The following TTC14 variants were observed in gnomAD, a reference collection of about 807,000 sequenced individuals.
TTC14 encodes tetratricopeptide repeat protein 14.
A neutral mutation model predicts 79.9 loss-of-function variants in TTC14; 63 were observed. The observed-to-expected ratio is 0.79, with a 90% CI of 0.64 to 0.97. The LOEUF (loss-of-function observed/expected upper bound fraction) is 0.97. Ranked by LOEUF, TTC14 falls within the 50% of genes least tolerant of loss-of-function variation. TTC14 has a pLI of 0.00. For missense variants in TTC14, 895 were observed against 894.0 expected (o/e 1.00, Z -0.01); for synonymous variants, 335 against 309.6 (o/e 1.08, Z -0.86).
intron 3 of TTC14, chr3:180,603,659 T>C (rs1716513647): frequency 7.2e-6 from 2 of 276,390 alleles, no homozygotes; most frequent in Non-Finnish European, 1.4e-5. Context: ...TAGTTAATAT[T>C]TGGCATTGTA....
chr3:180,613,583 G>C (rs1316351864), downstream of TTC14, among the ~76,000 whole-genome samples: 1 of 152,096 alleles, frequency 6.6e-6, no homozygotes, highest in Non-Finnish European at 1.5e-5. Flanking sequence ...TGTGTCTATA[G>C]TACAAATGAG....
rs776677497 is a variant in TTC14 at position 180,616,715 on chromosome 3, A to T, written c.1775-665A>T. ...TGCACACTGTTGGTAAATAATAGTC[A>T]ATTATTCTATAAACGTGTTTACCAG... On this transcript the variant is annotated intron_variant, in intron 12 of 12. Transcript: ENST00000382584. 1.3e-6 allele frequency: 2 copies of T among 1,576,852 alleles called. No individual in the cohort carries two copies.
exon 13 of TTC14, chr3:180,617,446 C>T (rs1717289490): frequency 1.5e-6 from 1 of 684,936 alleles, no homozygotes; most frequent in Non-Finnish European, 2.7e-6. Context: ...GGAGATATTC[C>T]AGAAGAGGGC....
At chr3:180,609,242 T>TGCCACCCCCCCCC in intron 11 of TTC14, 1 of 606,944 alleles carries the variant, frequency 1.6e-6, no homozygotes, top group Non-Finnish European at 2.1e-6. Flanking sequence ...ACAGGTCAGC[T>TGCCACCCCCCCCC]CCCACCCGCA....
intron 10 of TTC14, 44 bp from the exon 11 acceptor site, chr3:180,608,657 C>G: frequency 6.9e-7 from 1 of 1,449,010 alleles, no homozygotes; most frequent in East Asian, 2.6e-5. Flanking sequence ...ATATATTCTG[C>G]TATTTTTAAC....
chr3:180,603,977 C>T, intron 3 of TTC14: 1 of 514,734 alleles, frequency 1.9e-6, no homozygotes, highest in Non-Finnish European at 3.5e-6. Flanking sequence ...TGTATACTGT[C>T]ATAAGCCATC....
chr3:180,613,836 C>T (rs190773611), downstream of TTC14: 1 of 455,320 alleles, frequency 2.2e-6, no homozygotes, highest in East Asian at 7.0e-5. Context: ...CCACCTTATT[C>T]TTGACTTTGC....
chr3:180,618,054 A>C (rs1318267855), downstream of TTC14, among the ~76,000 whole-genome samples: 1 of 152,094 alleles, frequency 6.6e-6, no homozygotes, highest in East Asian at 1.9e-4. Flanking sequence ...CACAAGTACC[A>C]CTGTGTTACA....
intron 10 of TTC14, 165 bp from the exon 11 acceptor site, chr3:180,608,536 A>G: frequency 8.1e-7 from 1 of 1,238,206 alleles, no homozygotes; most frequent in Non-Finnish European, 1.0e-6. Flanking sequence ...AAACATCTGT[A>G]TGACTAATTT....
chr3:180,604,363 T>G, intron 4 of TTC14, 54 bp downstream of exon 4: 1 of 1,576,014 alleles, frequency 6.3e-7, no homozygotes, highest in East Asian at 2.3e-5. Flanking sequence ...ATTTTTGTTT[T>G]TATTAATTTA....
chr3:180,609,258 A>T, intron 11 of TTC14: 1 of 289,468 alleles, frequency 3.5e-6, no homozygotes, highest in Non-Finnish European at 5.2e-6. Flanking sequence ...CCGCACCCCC[A>T]CCCCCTACCA....
intron 12 of TTC14, chr3:180,616,208 T>C: frequency 7.9e-7 from 1 of 1,270,014 alleles, no homozygotes; most frequent in Non-Finnish European, 1.1e-6. Flanking sequence ...GCTGCGGTGA[T>C]GTAGAAGTGG....
chr3:180,609,979 C>A lies in TTC14; in HGVS notation c.1750C>A (p.Leu584Ile). The A allele has an allele frequency of 6.2e-7, 1 of 1,614,052 alleles. No homozygotes were observed. The highest frequency in any genetic ancestry group is 1.6e-4 in the Middle Eastern group (1 of 6,062). The change falls in exon 12 of 12, where the codon CTT becomes ATT. Residue 584 changes from leucine (L) to isoleucine (I), a missense_variant. Leu to Ile is a conservative substitution (Grantham distance 5). Coordinates refer to ENST00000296015, the MANE Select transcript of TTC14 (RefSeq NM_133462.4). ...KDRCPLSSSS[L>I]EIPDDFGGRS... is the part of the protein sequence containing the mutation. Reference sequence around the variant, plus strand: ...TAGATGCCCTCTCTCTTCATCTTCACTTGAAATACCGGATGATTTTGGAGG... The same window carrying A: ...TAGATGCCCTCTCTCTTCATCTTCAATTGAAATACCGGATGATTTTGGAGG...
intron 11 of TTC14, chr3:180,609,377 T>C (rs1716863835): frequency 1.7e-6 from 2 of 1,163,672 alleles, no homozygotes. Flanking sequence ...TCTTAAGTTT[T>C]TAAGGTAGTG....
intron 3 of TTC14, 105 bp from the exon 4 acceptor site, chr3:180,604,120 T>G: frequency 1.1e-6 from 1 of 922,248 alleles, no homozygotes; most frequent in Non-Finnish European, 1.7e-6. Context: ...TTACTTTAGG[T>G]TGTTCAACTA....
rs767135734 is a variant in TTC14, at chr3:180,610,492, A to T, written c.2263A>T (p.Asn755Tyr). Residue 755 changes from asparagine to tyrosine, a missense_variant, in exon 12 of 12, where the codon AAT becomes TAT. Coordinates refer to ENST00000296015, the MANE Select transcript of TTC14 (RefSeq NM_133462.4). ...ACCTCAGAATTTACTGAATATATTT[A>T]ATCAGATAGCTGAATTTGAAAAAGA... ...NLPQNLLNIFNQIAEFEKEKG... is the reference protein window; with the variant it reads ...NLPQNLLNIFYQIAEFEKEKG... 6.3e-7 allele frequency: 1 copy of T among 1,591,896 alleles called. No homozygotes were observed. The highest frequency in any genetic ancestry group is 2.2e-5 in the East Asian group (1 of 44,770).
rs1217077606 is a variant in TTC14 at position 180,602,908 on chromosome 3, A to G, written c.179A>G (p.Asp60Gly). 1 of 1,611,762 alleles carries G rather than the reference A, an allele frequency of 6.2e-7. No homozygotes were observed. Among genetic ancestry groups the G allele is most frequent in the Admixed American group, 1.7e-5 (1 of 59,586 alleles). The part of the protein sequence containing the change: ...PLQGRKEKRV[D>G]NIEIQKFISK... ...TTTTTAAGAAAAGAGAAGAGAGTTG[A>G]CAACATCGAGATACAGAAATTCATC... Residue 60 changes from aspartate to glycine, a missense_variant, in exon 2 of 12, where the codon GAC becomes GGC. Transcript: ENST00000296015.
Position 180,604,583 on chromosome 3 carries a change from C to A in TTC14, c.677C>A (p.Ser226Tyr). 6.2e-7 allele frequency: 1 copy of A among 1,608,390 alleles called. No homozygotes were observed. The highest frequency in any genetic ancestry group is 8.5e-7 in the Non-Finnish European group (1 of 1,178,412). The change falls in exon 5 of 12, where the codon TCT (serine) becomes TAT (tyrosine). Residue 226 changes from serine to tyrosine, a missense_variant. Coordinates refer to ENST00000296015, the MANE Select transcript of TTC14 (RefSeq NM_133462.4). ...LSGIKLGVIS[S>Y]EELPLYYRRS... ...GGTATTAAATTAGGTGTAATTAGCTCTGAAGAGCTTCCTTTATACTACAGG... is the reference window on the plus strand; with the variant it reads ...GGTATTAAATTAGGTGTAATTAGCTATGAAGAGCTTCCTTTATACTACAGG...
At position 180,604,961 on chromosome 3, in the gene TTC14, G is replaced by A. The variant is rs768686456; in HGVS notation, c.811G>A (p.Gly271Arg). The A allele has an allele frequency of 3.1e-6, 5 of 1,613,894 alleles. No individual in the cohort carries two copies. In the East Asian group the frequency reaches 6.7e-5, roughly 22 times the overall value. ...AGTTGAATTCCTTCTAGAAAAACTA[G>A]GAATAGATGAATCTAATCCACCATC... ...GVVEFLLEKL[G>R]IDESNPPSLM... Residue 271 changes from glycine to arginine, a missense_variant, in exon 6 of 12, where the codon GGA (glycine) becomes AGA (arginine). Transcript: ENST00000296015.
Sources: gnomAD v4.1 joint callset for allele counts (sites outside exome capture counted in the v4.1 genomes callset) on GRCh38, gnomAD v4.1.1 for gene constraint, MANE v1.5 for transcripts, NCBI Gene and HGNC (gene_info 2026-07-23, HGNC 2026-07-21) for gene names.